JAKMIP3: variants seen among roughly 807,000 people sequenced by gnomAD.
JAKMIP3 encodes janus kinase and microtubule-interacting protein 3.
A neutral mutation model predicts 118.5 loss-of-function variants in JAKMIP3; 58 were observed. That is an observed-to-expected ratio of 0.49 (90% CI 0.40 to 0.61). The LOEUF (loss-of-function observed/expected upper bound fraction) is 0.61, where lower values mean the gene tolerates loss of function less well. Ranked by LOEUF, JAKMIP3 falls within the 20% of genes least tolerant of loss-of-function variation. The pLI is 0.00. For synonymous variants in JAKMIP3, 486 were observed against 451.2 expected (o/e 1.08, Z -0.98); for missense variants, 950 against 1,109.0 (o/e 0.86, Z 2.04).
intron 2 of JAKMIP3, among the ~76,000 whole-genome samples, chr10:132,107,858 G>C (rs1198437468): frequency 6.6e-6 from 1 of 152,248 alleles, no homozygotes; most frequent in Non-Finnish European, 1.5e-5. Context: ...AAGAACTCCT[G>C]CAGGAGACGT....
At chr10:132,085,827 C>T (rs961624908) in intron 1 of JAKMIP3, among the ~76,000 whole-genome samples, 5 of 152,052 alleles carry the variant, frequency 3.3e-5, no homozygotes, top group East Asian at 1.9e-4. Context: ...ACCAGCTTTT[C>T]GTTTCATTTA....
At position 132,104,187 on chromosome 10, in the gene JAKMIP3, G is replaced by T. The variant is rs540302768; in HGVS notation, c.-137-485G>T. On this transcript the variant is annotated intron_variant, in intron 1 of 23. Coordinates refer to ENST00000684848, the MANE Select transcript of JAKMIP3 (RefSeq NM_001323087.2). ...TGGATTGTGCTGCTGTGAGCTGGGC[G>T]TGCGCTTCTGTTCCAGTCCCTGCTT... Among the ~76,000 whole-genome samples, 98 of 152,252 alleles carry T rather than the reference G, an allele frequency of 6.4e-4. No homozygotes were observed. The South Asian group carries it at 8.3e-3, about 13-fold the overall frequency.
rs2056493937 is a variant in JAKMIP3 at position 132,153,011 on chromosome 10, C to G, written c.2061C>G (p.Thr687=). ...TCATACAAGCCAGGACAGTCCTGAC[C>G]TTGGCCGAAAAGGTAACAGCAGCTG... ...VVVIQARTVL[T]LAEKWLQQIE... Residue 687 remains threonine (T), a synonymous_variant, in exon 17 of 24, where the codon ACC becomes ACG. Coordinates refer to ENST00000684848, the MANE Select transcript of JAKMIP3 (RefSeq NM_001323087.2). 6.2e-7 allele frequency: 1 copy of G among 1,608,126 alleles called. No individual in the cohort carries two copies. The highest frequency in any genetic ancestry group is 8.5e-7 in the Non-Finnish European group (1 of 1,177,606).
In JAKMIP3 at chr10:132,118,632, T is replaced by C. The variant is rs1275008632; in HGVS notation, c.633+1058T>C. Among the ~76,000 whole-genome samples the C allele has an allele frequency of 6.6e-6, 1 of 152,146 alleles. No homozygotes were observed. Among genetic ancestry groups the C allele is most frequent in the Non-Finnish European group, 1.5e-5 (1 of 68,012 alleles). ...ACAGCCAGGAAGGGAGAACCAGCCATTGTGGAGTAAATATGACCTCGCCAC... is the reference window on the plus strand; with the variant it reads ...ACAGCCAGGAAGGGAGAACCAGCCACTGTGGAGTAAATATGACCTCGCCAC... On this transcript the variant is annotated intron_variant, in intron 3 of 23. Transcript: ENST00000684848. The surrounding 1 kb of genome is among the most constrained non-coding windows in gnomAD (Gnocchi z 4.8).
intron 23 of JAKMIP3, among the ~76,000 whole-genome samples, chr10:132,180,652 C>CAT (rs2060964304): frequency 2.7e-3 from 23 of 8,676 alleles, no homozygotes; most frequent in Non-Finnish European, 2.9e-3. Flanking sequence ...TGTGCGTGTG[C>CAT]GTGTGCGTGT....
chr10:132,041,278 T>C (rs2133758824), intron 1 of JAKMIP3, among the ~76,000 whole-genome samples: 1 of 152,348 alleles, frequency 6.6e-6, no homozygotes, highest in East Asian at 1.9e-4. Context: ...GGCTTTCCTG[T>C]GGATCAGACA....
intron 8 of JAKMIP3, 72 bp from the exon 9 acceptor site, chr10:132,138,047 G>C: frequency 7.3e-7 from 1 of 1,371,536 alleles, no homozygotes; most frequent in Non-Finnish European, 1.0e-6. Flanking sequence ...TGGCACACGG[G>C]CAGTAAACCG....
chr10:132,123,358 T>A (rs1022100415), intron 3 of JAKMIP3, among the ~76,000 whole-genome samples: 21 of 152,144 alleles, frequency 1.4e-4, no homozygotes, highest in African/African-American at 4.8e-4. Flanking sequence ...TGTTAAAGAC[T>A]CTCTAAATCC....
rs570632179 is a variant in JAKMIP3 at position 132,159,373 on chromosome 10, T to TG, written c.2221-3828dup. 4.8e-3 allele frequency among the ~76,000 whole-genome samples: 124 copies of TG among 25,570 alleles called. 4 individuals are homozygous for TG. The highest frequency in any genetic ancestry group is 0.02 in the South Asian group (11 of 548). The allele number at this position is 25,570 out of a possible 152,430, so 16.8% of individuals were successfully genotyped here. A position where few individuals can be genotyped will look rare whatever the true frequency, so the allele number is the denominator to read the frequency against. On this transcript the variant is annotated intron_variant, in intron 19 of 23. Transcript: ENST00000684848. ...GGGCCTCTCCCTGTGTGATGCTGGTTGGGGGGGGTCTATTCCTGTGTCTTA... is the reference window on the plus strand; with the variant it reads ...GGGCCTCTCCCTGTGTGATGCTGGTTGGGGGGGGGTCTATTCCTGTGTCTTA...
intron 1 of JAKMIP3, among the ~76,000 whole-genome samples, chr10:132,078,580 G>GC (rs2041203285): frequency 7.8e-6 from 1 of 128,046 alleles, no homozygotes; most frequent in Non-Finnish European, 1.7e-5. Flanking sequence ...CGCATAACAC[G>GC]CCCCCTTTCC....
intron 1 of JAKMIP3, among the ~76,000 whole-genome samples, chr10:132,081,587 T>C (rs2041767266): frequency 6.6e-6 from 1 of 152,158 alleles, no homozygotes; most frequent in Admixed American, 6.6e-5. Flanking sequence ...AAGGTGCCCT[T>C]GGAGAGGTCT....
intron 19 of JAKMIP3, 134 bp downstream of exon 19, chr10:132,154,124 C>A: frequency 2.9e-6 from 2 of 699,928 alleles, no homozygotes; most frequent in South Asian, 1.8e-5. Flanking sequence ...CCTAATGACA[C>A]CTGCACAGCA....
upstream of JAKMIP3, among the ~76,000 whole-genome samples, chr10:132,062,133 C>G (rs549553202): frequency 6.6e-6 from 1 of 152,038 alleles, no homozygotes; most frequent in South Asian, 2.1e-4. Flanking sequence ...CCGGGAGAGC[C>G]CAGATGAAGA....
rs1554962684 is a variant in JAKMIP3 at position 132,180,532 on chromosome 10, T to TGTGTGTGTGTGTGTGTGTGC, written c.*1104-1812_*1104-1811insTGTGTGCGTGTGTGTGTGTG. On this transcript the variant is annotated intron_variant, in intron 23 of 23. Coordinates refer to ENST00000684848, the MANE Select transcript of JAKMIP3 (RefSeq NM_001323087.2). ...AAACCTGGAAGCAGAACTGTGTGTG[T>TGTGTGTGTGTGTGTGTGTGC]GTGTGTGTGTGTGCGTGCGTGCATG... Among the ~76,000 whole-genome samples the TGTGTGTGTGTGTGTGTGTGC allele has an allele frequency of 4.9e-4, 15 of 30,344 alleles. 4 individuals are homozygous for TGTGTGTGTGTGTGTGTGTGC. The highest frequency in any genetic ancestry group is 1.3e-3 in the African/African-American group (7 of 5,472). 19.9% of individuals were successfully genotyped at this position (30,344 alleles called of 152,430 possible).
Position 132,171,657 on chromosome 10 carries a change from T to C in JAKMIP3, c.*1103+2624T>C, listed in dbSNP as rs866908548. Among the ~76,000 whole-genome samples, 1,328 of 149,076 alleles carry C rather than the reference T, an allele frequency of 8.9e-3. 23 individuals carry two copies. The highest frequency in any genetic ancestry group is 0.025 in the African/African-American group (1,027 of 40,704). On this transcript the variant is annotated intron_variant, in intron 23 of 23. Coordinates refer to ENST00000684848, the MANE Select transcript of JAKMIP3 (RefSeq NM_001323087.2). The stretch of plus-strand genomic sequence containing the variant: ...CCTGTCTTATTTTTTTCTTTCTTTT[T>C]TTTTTTTTTTTTTGAGACAGGGTCT...
intron 23 of JAKMIP3, chr10:132,181,519 C>T (rs956787725): frequency 6.6e-6 from 1 of 152,162 alleles, no homozygotes; most frequent in Non-Finnish European, 1.5e-5. Flanking sequence ...CCTGTACCTT[C>T]TAGAGATCGA....
chr10:132,145,714 G>T, intron 13 of JAKMIP3, 134 bp downstream of exon 13: 1 of 729,332 alleles, frequency 1.4e-6, no homozygotes, highest in Non-Finnish European at 2.3e-6. Flanking sequence ...CTTCTGCTCT[G>T]CTCCCTCCTG....
chr10:132,153,036 G>A lies in JAKMIP3; in HGVS notation c.2073+13G>A. 1 of 1,601,554 alleles carries A rather than the reference G, an allele frequency of 6.2e-7. No individual in the cohort carries two copies. Among genetic ancestry groups the A allele is most frequent in the Non-Finnish European group, 8.5e-7 (1 of 1,173,626 alleles). ...CTTGGCCGAAAAGGTAACAGCAGCTGTGTGGACAGTCGGGAGAGGGCCGGG... is the reference window on the plus strand; with the variant it reads ...CTTGGCCGAAAAGGTAACAGCAGCTATGTGGACAGTCGGGAGAGGGCCGGG... On this transcript the variant is annotated intron_variant, in intron 17 of 23. Coordinates refer to ENST00000684848, the MANE Select transcript of JAKMIP3 (RefSeq NM_001323087.2).
chr10:132,053,961 AC>A (rs1255860838), intron 1 of JAKMIP3, among the ~76,000 whole-genome samples: 1 of 150,164 alleles, frequency 6.7e-6, no homozygotes, highest in African/African-American at 2.5e-5. Context: ...AACAGCATGA[AC>A]CCTGGAGGCG....
Sources: allele counts gnomAD v4.1 joint callset (sites outside exome capture counted in the v4.1 genomes callset), GRCh38; gene constraint gnomAD v4.1.1; non-coding constraint Gnocchi (gnomAD v3.1); transcripts MANE v1.5; gene names NCBI Gene and HGNC (gene_info 2026-07-23, HGNC 2026-07-21).